Variants in MARCHF1 observed in about 807,000 individuals in gnomAD.
MARCHF1 encodes the protein E3 ubiquitin-protein ligase MARCHF1.
A neutral mutation model predicts 54.2 loss-of-function variants in MARCHF1; 40 were observed. The observed-to-expected ratio is 0.74, with a 90% confidence interval of 0.57 to 0.96. The LOEUF (loss-of-function observed/expected upper bound fraction) is 0.96, where lower values mean the gene tolerates loss of function less well. Ranked by LOEUF, MARCHF1 falls within the 40% of genes least tolerant of loss-of-function variation. The pLI is 0.00. For synonymous variants in MARCHF1, 236 were observed against 236.3 expected, an observed-to-expected ratio of 1.00 and a Z score of 0.01; for missense variants, 586 against 656.5, an observed-to-expected ratio of 0.89 and a Z score of 1.17.
chr4:164,009,017 C>T (rs1342243733), intron 2 of MARCHF1, among the ~76,000 whole-genome samples: 1 of 151,776 alleles, frequency 6.6e-6, no homozygotes, highest in African/African-American at 2.4e-5. Flanking sequence ...CCAAATGAAA[C>T]ATAAACACGG....
At chr4:163,550,929 C>T (rs1177842010) in intron 8 of MARCHF1, among the ~76,000 whole-genome samples, 1 of 152,158 alleles carries the variant, frequency 6.6e-6, no homozygotes, top group Non-Finnish European at 1.5e-5. Flanking sequence ...GATGGGGACC[C>T]TGTAATGTGC....
intron 8 of MARCHF1, among the ~76,000 whole-genome samples, chr4:163,546,811 G>C (rs1339371249): frequency 6.6e-6 from 1 of 152,046 alleles, no homozygotes; most frequent in African/African-American, 2.4e-5. Flanking sequence ...TTGAAGTTAT[G>C]GTCTCCATAA....
In MARCHF1 at chr4:163,642,459, G is replaced by A. The variant is rs559482342; in HGVS notation, c.163-29066C>T. Among the ~76,000 whole-genome samples the A allele has an allele frequency of 7.2e-5, 11 of 152,276 alleles. No homozygotes were observed. The South Asian group carries it at 2.1e-3, about 29-fold the overall frequency. Reference sequence around the variant, plus strand: ...TGTCACTATTTGCTTTAAAATATGTGTTTAAAAGTCACTTCGGTTCTGGGT... The same window carrying A: ...TGTCACTATTTGCTTTAAAATATGTATTTAAAAGTCACTTCGGTTCTGGGT... On this transcript the variant is annotated intron_variant, in intron 5 of 9. Transcript: ENST00000514618.
chr4:163,622,107 C>T (rs1741712469), intron 5 of MARCHF1, among the ~76,000 whole-genome samples: 2 of 152,006 alleles, frequency 1.3e-5, no homozygotes, highest in South Asian at 4.1e-4. Context: ...GCTGAGATTG[C>T]TTACCCAGGG....
intron 3 of MARCHF1, among the ~76,000 whole-genome samples, chr4:163,924,969 T>C (rs1405782078): frequency 6.6e-6 from 1 of 151,668 alleles, no homozygotes; most frequent in Non-Finnish European, 1.5e-5. Context: ...AACATCAGAG[T>C]GGCTTTTCTC....
intron 4 of MARCHF1, among the ~76,000 whole-genome samples, chr4:163,818,284 G>C (rs1748597840): frequency 6.6e-6 from 1 of 151,306 alleles, no homozygotes; most frequent in South Asian, 2.1e-4. Flanking sequence ...TAAGTTCCCG[G>C]GTATACCTAC....
chr4:163,702,120 C>A (rs1304117664), intron 4 of MARCHF1, among the ~76,000 whole-genome samples: 2 of 152,186 alleles, frequency 1.3e-5, no homozygotes, highest in Non-Finnish European at 2.9e-5. Context: ...CCTTTACATG[C>A]AACATCCATC....
intron 4 of MARCHF1, among the ~76,000 whole-genome samples, chr4:163,704,924 G>C (rs1744906900): frequency 6.6e-6 from 1 of 151,470 alleles, no homozygotes; most frequent in East Asian, 1.9e-4. Context: ...TTAAGGGAAA[G>C]AGAGAACAAA....
chr4:164,189,740 T>C lies in MARCHF1; in HGVS notation c.-322-78078A>G, dbSNP rs543819858. On this transcript the variant is annotated intron_variant, in intron 1 of 9. Coordinates refer to ENST00000514618, the MANE Select transcript of MARCHF1 (RefSeq NM_001394959.1). ...TCCATATCTTTTCTATAGCTTCTGA[T>C]AATCAACCAACTGTCATAATCAAGG... 37 of 1,216,892 alleles carry C rather than the reference T, an allele frequency of 3.0e-5. 1 individual carries two copies. In the African/African-American group the frequency reaches 5.3e-4, roughly 17 times the overall value. 75.4% of individuals were successfully genotyped at this position (1,216,892 alleles called of 1,614,324 possible). A position where few individuals can be genotyped will look rare whatever the true frequency, so the allele number is the denominator to read the frequency against.
chr4:164,298,386 A>AAC (rs535024982), intron 1 of MARCHF1, among the ~76,000 whole-genome samples: 3 of 152,148 alleles, frequency 2.0e-5, no homozygotes. Context: ...CAAAAAAAAA[A>AAC]CCTATGGTCT....
At chr4:164,107,116 AT>A (rs1361631400) in intron 2 of MARCHF1, among the ~76,000 whole-genome samples, 1 of 152,302 alleles carries the variant, frequency 6.6e-6, no homozygotes, top group Admixed American at 6.5e-5. Context: ...ATACAAAGCT[AT>A]GTGCTAAAAT....
At position 163,964,541 on chromosome 4, in the gene MARCHF1, G is replaced by C. The variant is rs149210518; in HGVS notation, c.-39+23960C>G. ...TTCCCAAGTGATGCTGGCACTGTAG[G>C]TCAAGGATCACACTTTGGGAACCCT... On this transcript the variant is annotated intron_variant, in intron 3 of 9. Coordinates refer to ENST00000514618, the MANE Select transcript of MARCHF1 (RefSeq NM_001394959.1). 6.3e-3 allele frequency among the ~76,000 whole-genome samples: 960 copies of C among 152,082 alleles called. 7 individuals carry two copies. The highest frequency in any genetic ancestry group is 0.022 in the African/African-American group (904 of 41,502).
chr4:164,020,870 G>A (rs925121814), intron 2 of MARCHF1, among the ~76,000 whole-genome samples: 1 of 152,222 alleles, frequency 6.6e-6, no homozygotes, highest in Non-Finnish European at 1.5e-5. Context: ...GGTCAAGGCT[G>A]CAGTGAACTG....
At chr4:163,701,587 T>C (rs1481938328) in intron 4 of MARCHF1, among the ~76,000 whole-genome samples, 2 of 152,168 alleles carry the variant, frequency 1.3e-5, no homozygotes, top group African/African-American at 2.4e-5. Flanking sequence ...CCCAGAGACA[T>C]TGTGTTCCTG....
intron 1 of MARCHF1, among the ~76,000 whole-genome samples, chr4:164,378,976 G>A (rs989543664): frequency 2.6e-5 from 4 of 152,058 alleles, no homozygotes; most frequent in Admixed American, 2.6e-4. Context: ...GCCTCCCAAA[G>A]TGCTGGGATT....
chr4:163,730,863 T>G (rs1376242319), intron 4 of MARCHF1, among the ~76,000 whole-genome samples: 2 of 152,162 alleles, frequency 1.3e-5, no homozygotes, highest in African/African-American at 2.4e-5. Context: ...GTCAATTATG[T>G]GTTACTGCTT....
At chr4:163,796,385 C>G (rs190677703) in intron 4 of MARCHF1, among the ~76,000 whole-genome samples, 9 of 151,964 alleles carry the variant, frequency 5.9e-5, no homozygotes, top group African/African-American at 2.2e-4. Flanking sequence ...TGCCACCATG[C>G]TCGGCTAATT....
intron 5 of MARCHF1, among the ~76,000 whole-genome samples, chr4:163,635,811 A>G (rs1323577608): frequency 1.3e-5 from 2 of 152,208 alleles, no homozygotes; most frequent in East Asian, 1.9e-4. Context: ...TTTTAGACCA[A>G]TATCCCTGAT....
intron 8 of MARCHF1, among the ~76,000 whole-genome samples, chr4:163,581,149 C>T (rs927434492): frequency 3.3e-5 from 5 of 150,834 alleles, no homozygotes; most frequent in Non-Finnish European, 5.9e-5. Context: ...AGCTATTTGG[C>T]GGTAGAGTGG....
Sources: allele counts gnomAD v4.1 joint callset (sites outside exome capture counted in the v4.1 genomes callset), GRCh38; gene constraint gnomAD v4.1.1; transcripts MANE v1.5; gene names NCBI Gene and HGNC (gene_info 2026-07-23, HGNC 2026-07-21).